SH2D3C: variants seen among roughly 807,000 people sequenced by gnomAD.
The protein encoded by SH2D3C is SH2 domain-containing protein 3C.
SH2D3C carries 25 observed loss-of-function variants against 75.2 expected under a neutral mutation model. That is an observed-to-expected ratio of 0.33 (90% CI 0.24 to 0.46). The LOEUF (loss-of-function observed/expected upper bound fraction) is 0.46, where lower values mean the gene tolerates loss of function less well. SH2D3C is among the 20% of genes least tolerant of loss of function. The pLI, the probability that SH2D3C is intolerant of heterozygous loss-of-function variation, is 1.00. For missense variants in SH2D3C, 933 were observed against 1,165.3 expected (o/e 0.80, Z 2.90); for synonymous variants, 450 against 473.7 (o/e 0.95, Z 0.65).
chr9:127,768,483 G>A lies in SH2D3C; in HGVS notation c.515+5507C>T, dbSNP rs545005322. Among the ~76,000 whole-genome samples the A allele has an allele frequency of 1.1e-4, 17 of 152,160 alleles. No individual in the cohort carries two copies. In the South Asian group the frequency reaches 2.9e-3, roughly 26 times the overall value. On this transcript the variant is annotated intron_variant, in intron 2 of 11. Transcript: ENST00000314830. Reference sequence around the variant, plus strand: ...ACACTCAGATGAGGCACTAAAAAGCGACACAGAACAGCAATCAGATCCTCC... The same window carrying A: ...ACACTCAGATGAGGCACTAAAAAGCAACACAGAACAGCAATCAGATCCTCC...
At chr9:127,757,620 TGA>T (rs1564419706) in intron 3 of SH2D3C, among the ~76,000 whole-genome samples, 1,510 of 120,158 alleles carry the variant, frequency 0.013, 13 homozygotes, top group East Asian at 0.023. Context: ...ATGATGATGA[TGA>T]TGATGATGAT....
At position 127,751,298 on chromosome 9, in the gene SH2D3C, G is replaced by T; in HGVS notation, c.558C>A (p.Phe186Leu). 6.2e-7 allele frequency: 1 copy of T among 1,613,650 alleles called. No individual in the cohort carries two copies. The highest frequency in any genetic ancestry group is 1.1e-5 in the South Asian group (1 of 91,072). ...AGTCCAGGATGTACTTCTCCTTGGA[G>T]AACTGGGTAGAAAACAGCAAGAGTT... is the stretch of plus-strand genomic sequence containing the variant. ...EPEAGSDYVK[F>L]SKEKYILDSS... The change falls in exon 4 of 12, where the codon TTC becomes TTA. Residue 186 changes from phenylalanine (F) to leucine (L), a missense_variant and splice_region_variant. Phe to Leu is a conservative substitution (Grantham distance 22, BLOSUM62 0). Coordinates refer to ENST00000314830, the MANE Select transcript of SH2D3C (RefSeq NM_170600.3). This position sits in a 1 kb window ranked among gnomAD's most constrained non-coding sequence, Gnocchi z 4.1.
At chr9:127,767,396 A>G (rs964800506) in intron 2 of SH2D3C, 57 of 1,221,718 alleles carry the variant, frequency 4.7e-5, no homozygotes, top group Non-Finnish European at 6.2e-5. Flanking sequence ...CAGGGCATGC[A>G]GCTGCTCAGA....
rs978266395 is a variant in SH2D3C, at chr9:127,771,390, C to T, written c.515+2600G>A. On this transcript the variant is annotated intron_variant, in intron 2 of 11. Transcript: ENST00000314830. ...ACACGCCCCTGCGCTCCTTGCCCGG[C>T]CCCACTCCACCGCCTACTCCACCGG... 1.3e-5 allele frequency: 17 copies of T among 1,328,130 alleles called. No homozygotes were observed. In the African/African-American group the frequency reaches 2.3e-4, roughly 18 times the overall value. The allele number at this position is 1,328,130 out of a possible 1,614,324, so 82.3% of individuals were successfully genotyped here.
rs1297418049 is a variant in SH2D3C, at chr9:127,749,304, C to T, written c.1046G>A (p.Gly349Asp). Residue 349 changes from glycine to aspartate, a missense_variant, in exon 5 of 12, where the codon GGC (glycine) becomes GAC (aspartate). By Grantham distance (94) the Gly-to-Asp change is moderately conservative. Coordinates refer to ENST00000314830, the MANE Select transcript of SH2D3C (RefSeq NM_170600.3). The surrounding 1 kb of genome is among the most constrained non-coding windows in gnomAD (Gnocchi z 5.9). ...CCGCTTCATGTGGCTGCCCTTGGGGCCTGAGGGGCTGACGGGGCTAGCAGG... is the reference window on the plus strand; with the variant it reads ...CCGCTTCATGTGGCTGCCCTTGGGGTCTGAGGGGCTGACGGGGCTAGCAGG... ...SKPASPVSPSGPKGSHMKRRS... is the reference protein window; with the variant it reads ...SKPASPVSPSDPKGSHMKRRS... 1.2e-6 allele frequency: 2 copies of T among 1,611,148 alleles called. No homozygotes were observed. The highest frequency in any genetic ancestry group is 1.7e-6 in the Non-Finnish European group (2 of 1,178,738).
In SH2D3C at chr9:127,749,691, G is replaced by A; in HGVS notation, c.685-26C>T. 1 of 1,462,866 alleles carries A rather than the reference G, an allele frequency of 6.8e-7. No individual in the cohort carries two copies. Among genetic ancestry groups the A allele is most frequent in the Non-Finnish European group, 9.3e-7 (1 of 1,079,062 alleles). The allele number at this position is 1,462,866 out of a possible 1,614,324, so 90.6% of individuals were successfully genotyped here. ...CTGCAGAAGGCATGGTTAGGCTGGAGTAGGGTGGGGCCAGGAGAGGGTCAG... is the reference window on the plus strand; with the variant it reads ...CTGCAGAAGGCATGGTTAGGCTGGAATAGGGTGGGGCCAGGAGAGGGTCAG... On this transcript the variant is annotated intron_variant, in intron 4 of 11. Transcript: ENST00000314830. This position sits in a 1 kb window ranked among gnomAD's most constrained non-coding sequence, Gnocchi z 5.9.
chr9:127,775,401 G>A (rs981054198), intron 1 of SH2D3C, among the ~76,000 whole-genome samples: 14 of 151,858 alleles, frequency 9.2e-5, no homozygotes, highest in Admixed American at 4.6e-4. Context: ...AGGCTGAGGC[G>A]GGCAGATCAT....
At chr9:127,770,368 G>GA (rs1222245609) in intron 2 of SH2D3C, among the ~76,000 whole-genome samples, 3 of 152,118 alleles carry the variant, frequency 2.0e-5, no homozygotes, top group Non-Finnish European at 4.4e-5. Context: ...CAGGGCCCCC[G>GA]AACTTGCTCA....
At chr9:127,745,647 T>C (rs1266548465) in intron 6 of SH2D3C, among the ~76,000 whole-genome samples, 1 of 151,642 alleles carries the variant, frequency 6.6e-6, no homozygotes, top group East Asian at 1.9e-4. Flanking sequence ...AACTTTTTTT[T>C]GAGTCAGAGT....
At chr9:127,740,462 G>GTTA in intron 9 of SH2D3C, 93 bp from the exon 10 acceptor site, 1 of 794,748 alleles carries the variant, frequency 1.3e-6, no homozygotes, top group Non-Finnish European at 2.1e-6. Flanking sequence ...ATGTGGGATC[G>GTTA]TTATTATTAT....
At chr9:127,755,194 G>A in intron 3 of SH2D3C, 2 of 1,205,326 alleles carry the variant, frequency 1.7e-6, no homozygotes, top group Non-Finnish European at 2.1e-6. Context: ...GGACGGTGTG[G>A]GGGGGCGGTG....
chr9:127,765,019 C>G (rs1845607530), intron 2 of SH2D3C, among the ~76,000 whole-genome samples: 1 of 151,354 alleles, frequency 6.6e-6, no homozygotes, highest in Admixed American at 6.6e-5. Flanking sequence ...CCCTTCAGTT[C>G]TTTTTTTTTG....
chr9:127,741,667 C>A, intron 9 of SH2D3C, 121 bp downstream of exon 9: 2 of 1,251,918 alleles, frequency 1.6e-6, no homozygotes, highest in African/African-American at 1.5e-5. Flanking sequence ...CCCGGGTAGT[C>A]TCACCAATTC....
At chr9:127,745,123 C>A in intron 6 of SH2D3C, 24 bp from the exon 7 acceptor site, 1 of 1,473,186 alleles carries the variant, frequency 6.8e-7, no homozygotes, top group South Asian at 1.5e-5. Context: ...GAGAGAGAGG[C>A]CCCGTTATAG....
intron 6 of SH2D3C, among the ~76,000 whole-genome samples, chr9:127,745,456 T>A (rs980190572): frequency 2.1e-5 from 2 of 95,920 alleles, no homozygotes; most frequent in Admixed American, 1.8e-4. Flanking sequence ...AATGATTTCC[T>A]TTTTTTTTTT....
At chr9:127,756,097 C>G (rs1845372507) in intron 3 of SH2D3C, among the ~76,000 whole-genome samples, 1 of 152,182 alleles carries the variant, frequency 6.6e-6, no homozygotes, top group Non-Finnish European at 1.5e-5. Context: ...GCCAGGAGTT[C>G]AAGACCAGTC....
chr9:127,759,551 G>A (rs1327532970), intron 3 of SH2D3C, among the ~76,000 whole-genome samples: 1 of 152,182 alleles, frequency 6.6e-6, no homozygotes, highest in Non-Finnish European at 1.5e-5. Flanking sequence ...GCTTTGACGG[G>A]ACTAAAATTT....
chr9:127,739,818 C>A lies in SH2D3C; in HGVS notation c.2271G>T (p.Ser757=), dbSNP rs758996672. The A allele has an allele frequency of 2.5e-6, 4 of 1,587,686 alleles. No individual in the cohort carries two copies. The highest frequency in any genetic ancestry group is 1.8e-5 in the Admixed American group (1 of 56,060). ...AGGGCTCAGGGCCCTCTGGTGGGGC[C>A]GAGTCACACTCCAGCAGGGTGATGA... The part of the protein sequence containing the change: ...LPLITLLECD[S]APPEGPEPWG... The change falls in exon 11 of 12, where the codon TCG becomes TCT. Residue 757 remains serine (S), a synonymous_variant. Coordinates refer to ENST00000314830, the MANE Select transcript of SH2D3C (RefSeq NM_170600.3). This position sits in a 1 kb window ranked among gnomAD's most constrained non-coding sequence, Gnocchi z 4.3.
chr9:127,753,037 G>A (rs1008527696), intron 3 of SH2D3C, among the ~76,000 whole-genome samples: 2 of 152,046 alleles, frequency 1.3e-5, no homozygotes, highest in Admixed American at 1.3e-4. Context: ...GGTCCTACGG[G>A]CAGAGCCAAG....
Sources: gnomAD v4.1 joint callset for allele counts (sites outside exome capture counted in the v4.1 genomes callset) on GRCh38, gnomAD v4.1.1 for gene constraint, Gnocchi (gnomAD v3.1) non-coding constraint, MANE v1.5 for transcripts, NCBI Gene and HGNC (gene_info 2026-07-23, HGNC 2026-07-21) for gene names.